FRMD3: variants seen among roughly 807,000 people sequenced by gnomAD.
FRMD3 encodes the protein FERM domain containing 3.
FRMD3 carries 33 observed loss-of-function variants against 70.2 expected under a neutral mutation model. The observed-to-expected ratio is 0.47, with a 90% CI of 0.36 to 0.63. The LOEUF (loss-of-function observed/expected upper bound fraction) is 0.63. Among genes scored for constraint, FRMD3 ranks in the 20% least tolerant of loss-of-function variants. The pLI is 0.00. For synonymous variants in FRMD3, 279 were observed against 255.9 expected (o/e 1.09, Z -0.86); for missense variants, 632 against 711.4 (o/e 0.89, Z 1.27).
At chr9:83,430,931 TC>T (rs1177156130) in intron 1 of FRMD3, among the ~76,000 whole-genome samples, 2 of 152,234 alleles carry the variant, frequency 1.3e-5, no homozygotes, top group Non-Finnish European at 2.9e-5. Context: ...ACCACTTAGT[TC>T]CTTTAGATCA....
At chr9:83,429,381 C>T (rs1826904875) in intron 1 of FRMD3, among the ~76,000 whole-genome samples, 1 of 152,136 alleles carries the variant, frequency 6.6e-6, no homozygotes, top group Non-Finnish European at 1.5e-5. Flanking sequence ...AATTATTAAT[C>T]CATCTCCAGC....
At chr9:83,339,850 C>A (rs1421431009) in intron 5 of FRMD3, among the ~76,000 whole-genome samples, 1 of 152,174 alleles carries the variant, frequency 6.6e-6, no homozygotes, top group Non-Finnish European at 1.5e-5. Flanking sequence ...GGTAGTGATA[C>A]CATCCCAGCA....
intron 7 of FRMD3, among the ~76,000 whole-genome samples, chr9:83,312,761 G>GCCCCCCCC (rs1564009709): frequency 1.4e-5 from 2 of 146,650 alleles, no homozygotes; most frequent in African/African-American, 2.5e-5. Context: ...CCGCCGCCCT[G>GCCCCCCCC]CGCCCCGCCC....
chr9:83,519,654 A>G, intron 1 of FRMD3, among the ~76,000 whole-genome samples: 1 of 152,198 alleles, frequency 6.6e-6, no homozygotes, highest in Admixed American at 6.5e-5. Context: ...TATATACCCA[A>G]AGGATTATAA....
rs115395623 is a variant in FRMD3, at chr9:83,301,859, G to C, written c.927-2673C>G. Among the ~76,000 whole-genome samples, 698 of 152,372 alleles carry C rather than the reference G, an allele frequency of 4.6e-3. 6 individuals carry two copies. Among genetic ancestry groups the C allele is most frequent in the African/African-American group, 0.016 (671 of 41,592 alleles). ...AAGATGGCCAGTAGCTGTATGCTCA[G>C]GATGAGCAGAGAGAAAAGACTGTGC... On this transcript the variant is annotated intron_variant, in intron 10 of 13. Coordinates refer to ENST00000304195, the MANE Select transcript of FRMD3 (RefSeq NM_174938.6).
intron 3 of FRMD3, among the ~76,000 whole-genome samples, chr9:83,357,706 C>T (rs1234807406): frequency 6.6e-6 from 1 of 151,976 alleles, no homozygotes; most frequent in African/African-American, 2.4e-5. Context: ...ATGTTTGTTG[C>T]CCATTTGTAT....
At chr9:83,268,612 CT>C (rs1218131959) in intron 13 of FRMD3, among the ~76,000 whole-genome samples, 1 of 152,130 alleles carries the variant, frequency 6.6e-6, no homozygotes. Context: ...ATACTACTAA[CT>C]GAAAAAAGCA....
intron 3 of FRMD3, among the ~76,000 whole-genome samples, chr9:83,367,921 T>A (rs7851145): frequency 0.46 from 69,153 of 151,930 alleles, 16,511 homozygotes; most frequent in Non-Finnish European, 0.52. Context: ...CCCTCTTTTT[T>A]TCCTCTCCTC....
intron 2 of FRMD3, among the ~76,000 whole-genome samples, chr9:83,381,013 T>A (rs1271353712): frequency 6.6e-6 from 1 of 152,164 alleles, no homozygotes; most frequent in African/African-American, 2.4e-5. Flanking sequence ...TGTGTTATCA[T>A]GCAGCCAATT....
chr9:83,452,414 C>T (rs952176786), intron 1 of FRMD3, among the ~76,000 whole-genome samples: 1 of 152,126 alleles, frequency 6.6e-6, no homozygotes, highest in African/African-American at 2.4e-5. Context: ...ATTTCAAATC[C>T]TCCTGGTTTA....
chr9:83,356,271 ATTTTTT>A (rs869149609), intron 3 of FRMD3, among the ~76,000 whole-genome samples: 3 of 94,456 alleles, frequency 3.2e-5, no homozygotes, highest in Admixed American at 1.2e-4. Context: ...ACTCAGCAGC[ATTTTTT>A]TTTTTTTTTT....
upstream of FRMD3, among the ~76,000 whole-genome samples, chr9:83,543,316 G>C (rs1830019208): frequency 6.6e-6 from 1 of 151,998 alleles, no homozygotes; most frequent in Non-Finnish European, 1.5e-5. Context: ...GGGTCCCATG[G>C]AAAGGGTAAG....
At chr9:83,267,336 A>C in intron 13 of FRMD3, 2 of 1,386,354 alleles carry the variant, frequency 1.4e-6, no homozygotes, top group South Asian at 1.7e-5. Context: ...CTATTTTTAA[A>C]CTCTCCACTC....
chr9:83,355,109 A>G (rs185617943), intron 3 of FRMD3, among the ~76,000 whole-genome samples: 1 of 152,270 alleles, frequency 6.6e-6, no homozygotes, highest in Admixed American at 6.5e-5. Context: ...GACATGTCCA[A>G]GGTCCTGAAT....
At chr9:83,250,209 C>T (rs555100263) in intron 13 of FRMD3, among the ~76,000 whole-genome samples, 1 of 152,098 alleles carries the variant, frequency 6.6e-6, no homozygotes, top group Admixed American at 6.5e-5. Flanking sequence ...GACCCCACCC[C>T]GACCCCCAGC....
intron 1 of FRMD3, among the ~76,000 whole-genome samples, chr9:83,530,135 G>A (rs1190351856): frequency 6.6e-6 from 1 of 152,098 alleles, no homozygotes; most frequent in Non-Finnish European, 1.5e-5. Context: ...TTCACTTCTA[G>A]GTATACACCC....
intron 5 of FRMD3, among the ~76,000 whole-genome samples, chr9:83,340,542 G>T (rs1823721046): frequency 1.3e-5 from 2 of 152,280 alleles, no homozygotes; most frequent in Non-Finnish European, 2.9e-5. Context: ...TTTCTACAGG[G>T]GTTGAACATA....
the FRMD3 span, among the ~76,000 whole-genome samples, chr9:83,549,184 TGTAA>T: frequency 2.0e-5 from 3 of 152,152 alleles, no homozygotes; most frequent in Admixed American, 2.0e-4. Flanking sequence ...AGCTCCCACT[TGTAA>T]GTGAGACAAT....
intron 1 of FRMD3, among the ~76,000 whole-genome samples, chr9:83,467,326 C>T (rs1217028958): frequency 2.6e-5 from 4 of 152,126 alleles, no homozygotes; most frequent in Admixed American, 2.0e-4. Flanking sequence ...GGAAAGGAAC[C>T]ACCTTCAGAA....
Sources: gnomAD v4.1 joint callset for allele counts (sites outside exome capture counted in the v4.1 genomes callset) on GRCh38, gnomAD v4.1.1 for gene constraint, MANE v1.5 for transcripts, NCBI Gene and HGNC (gene_info 2026-07-23, HGNC 2026-07-21) for gene names.